MTCL1: variants seen among roughly 807,000 people sequenced by gnomAD.
MTCL1 encodes the protein microtubule crosslinking factor 1, also known as microtubule cross-linking factor 1.
In MTCL1, 79 loss-of-function variants were observed where a neutral mutation model predicts 141.4. The ratio of observed to expected loss-of-function variants is 0.56; its 90% confidence interval spans 0.47 to 0.67. The LOEUF is 0.67. MTCL1 is among the 30% of genes least tolerant of loss of function. MTCL1 has a pLI of 0.00. For synonymous variants in MTCL1, 914 were observed against 875.8 expected (o/e 1.04, Z -0.77); for missense variants, 2,177 against 2,113.9 (o/e 1.03, Z -0.59).
chr18:8,734,868 G>A (rs1473356975), intron 4 of MTCL1, among the ~76,000 whole-genome samples: 2 of 152,172 alleles, frequency 1.3e-5, no homozygotes, highest in Admixed American at 1.3e-4. Flanking sequence ...GAACTTCCCT[G>A]GTGGTTTCAG....
chr18:8,766,722 C>T (rs1419158400), intron 4 of MTCL1, among the ~76,000 whole-genome samples: 1 of 152,202 alleles, frequency 6.6e-6, no homozygotes, highest in Non-Finnish European at 1.5e-5. Flanking sequence ...CCAGCTGTAG[C>T]CCTGGCCCAG....
chr18:8,831,466 T>A, intron 16 of MTCL1, 141 bp from the exon 15 acceptor site: 1 of 1,444,830 alleles, frequency 6.9e-7, no homozygotes, highest in Non-Finnish European at 9.1e-7. Flanking sequence ...TGCATGAGCA[T>A]AGAAAGTAGT....
At chr18:8,732,886 G>A (rs2096257928) in intron 4 of MTCL1, among the ~76,000 whole-genome samples, 1 of 152,232 alleles carries the variant, frequency 6.6e-6, no homozygotes, top group South Asian at 2.1e-4. Context: ...GTGACCTTCA[G>A]CAGTGTTCCT....
At position 8,738,999 on chromosome 18, in the gene MTCL1, G is replaced by A. The variant is rs77545064; in HGVS notation, c.357+18503G>A. 3.4e-3 allele frequency among the ~76,000 whole-genome samples: 522 copies of A among 152,288 alleles called. 2 individuals carry two copies. The highest frequency in any genetic ancestry group is 0.012 in the African/African-American group (497 of 41,554). On this transcript the variant is annotated intron_variant, in intron 4 of 16. Coordinates refer to ENST00000359865, the Ensembl canonical transcript of MTCL1. Reference sequence around the variant, plus strand: ...ACGCCTGTAATCCCAGGCAATTGGGGAGGCCAAAGTGGGAGGGTTGCTTGA... The same window carrying A: ...ACGCCTGTAATCCCAGGCAATTGGGAAGGCCAAAGTGGGAGGGTTGCTTGA...
chr18:8,797,626 T>C (rs2075972211), intron 9 of MTCL1, among the ~76,000 whole-genome samples: 1 of 152,250 alleles, frequency 6.6e-6, no homozygotes, highest in African/African-American at 2.4e-5. Context: ...GAACAGTGTA[T>C]GTAATTTTAA....
chr18:8,716,745 AT>A (rs573676660), upstream of MTCL1, among the ~76,000 whole-genome samples: 4 of 151,084 alleles, frequency 2.6e-5, no homozygotes, highest in South Asian at 2.1e-4. Flanking sequence ...TATAGGAGAG[AT>A]TTTTTTTTCT....
At chr18:8,777,234 A>C (rs530000277) in intron 4 of MTCL1, among the ~76,000 whole-genome samples, 37 of 152,272 alleles carry the variant, frequency 2.4e-4, no homozygotes, top group African/African-American at 7.5e-4. Context: ...GTGAGACTCC[A>C]TCTCAAATAA....
exon 6 of MTCL1, chr18:8,783,759 A>G (rs1175237400): frequency 4.3e-6 from 7 of 1,612,424 alleles, no homozygotes; most frequent in Non-Finnish European, 5.9e-6. Context: ...CTGGTGGAGG[A>G]GGAAGCCAAC....
upstream of MTCL1, among the ~76,000 whole-genome samples, chr18:8,714,061 G>A (rs774961721): frequency 6.6e-6 from 1 of 152,208 alleles, no homozygotes; most frequent in African/African-American, 2.4e-5. Flanking sequence ...GTAAATGTTA[G>A]GCTGCTTTTT....
chr18:8,801,142 A>G (rs531719831), intron 10 of MTCL1, among the ~76,000 whole-genome samples: 1 of 152,156 alleles, frequency 6.6e-6, no homozygotes, highest in East Asian at 1.9e-4. Flanking sequence ...TCTCCTGCAG[A>G]CAGAGAGCCC....
chr18:8,706,728 G>T lies in MTCL1; in HGVS notation c.1053+15G>T. 6.5e-7 allele frequency: 1 copy of T among 1,543,984 alleles called. No homozygotes were observed. The highest frequency in any genetic ancestry group is 8.7e-7 in the Non-Finnish European group (1 of 1,145,802). ...ACTATCTCAAGGTGAGCCGCGCCTC[G>T]GCCGCAGGTGTCCCGGGGCGCCCCC... On this transcript the variant is annotated intron_variant, in intron 1 of 13. Coordinates refer to the MTCL1 transcript ENST00000306329.
chr18:8,754,689 C>A (rs2096388426), intron 4 of MTCL1, among the ~76,000 whole-genome samples: 1 of 152,218 alleles, frequency 6.6e-6, no homozygotes, highest in African/African-American at 2.4e-5. Context: ...TTCCTAGTAG[C>A]TTTAGTATAG....
intron 4 of MTCL1, among the ~76,000 whole-genome samples, chr18:8,735,305 C>A (rs1183060616): frequency 1.3e-5 from 2 of 152,166 alleles, no homozygotes; most frequent in African/African-American, 4.8e-5. Context: ...CCTTCAGTTT[C>A]TTTTCTCCTC....
chr18:8,771,772 A>T (rs1245827041), intron 4 of MTCL1, among the ~76,000 whole-genome samples: 1 of 151,824 alleles, frequency 6.6e-6, no homozygotes, highest in African/African-American at 2.4e-5. Context: ...CACAAACTTA[A>T]TTTTTTTTTC....
At chr18:8,820,282 T>C (rs965720486) in intron 13 of MTCL1, among the ~76,000 whole-genome samples, 6 of 151,830 alleles carry the variant, frequency 4.0e-5, no homozygotes, top group Non-Finnish European at 7.4e-5. Context: ...TGGTGGCGGG[T>C]GCCTGTAGTC....
intron 4 of MTCL1, among the ~76,000 whole-genome samples, chr18:8,772,859 T>C (rs781466374): frequency 2.0e-5 from 3 of 152,058 alleles, no homozygotes; most frequent in Non-Finnish European, 4.4e-5. Flanking sequence ...TGAGTCCTAT[T>C]GTATTGTGTA....
At chr18:8,742,734 A>G (rs1265989592) in intron 4 of MTCL1, among the ~76,000 whole-genome samples, 1 of 152,222 alleles carries the variant, frequency 6.6e-6, no homozygotes, top group Non-Finnish European at 1.5e-5. Flanking sequence ...AGATACCTAC[A>G]CACGTGTTAT....
chr18:8,706,243 G>C (rs1458627052), exon 1 of MTCL1: 1 of 1,228,380 alleles, frequency 8.1e-7, no homozygotes, highest in Non-Finnish European at 1.0e-6. Context: ...CTCGGTGGCC[G>C]GGTCCCCGGC....
At chr18:8,716,320 C>T (rs2096127849), upstream of MTCL1, among the ~76,000 whole-genome samples, 1 of 152,120 alleles carries the variant, frequency 6.6e-6, no homozygotes, top group African/African-American at 2.4e-5. Context: ...AAGTGAGTAG[C>T]TCGTTCTCTT....
Sources: allele counts gnomAD v4.1 joint callset (sites outside exome capture counted in the v4.1 genomes callset), GRCh38; gene constraint gnomAD v4.1.1; transcripts MANE v1.5; gene names NCBI Gene and HGNC (gene_info 2026-07-23, HGNC 2026-07-21).